The following SYNPR variants were observed in gnomAD, a reference collection of about 807,000 sequenced individuals.
The protein encoded by SYNPR is synaptoporin.
A neutral mutation model predicts 32.9 loss-of-function variants in SYNPR; 23 were observed. The ratio of observed to expected loss-of-function variants is 0.70; its 90% confidence interval spans 0.50 to 0.99. SYNPR has a LOEUF of 0.99. SYNPR is among the 50% of genes least tolerant of loss of function. The pLI is 0.00. For synonymous variants in SYNPR, 146 were observed against 135.9 expected, an observed-to-expected ratio of 1.07 and a Z score of -0.52; for missense variants, 318 against 349.3, an observed-to-expected ratio of 0.91 and a Z score of 0.71.
At chr3:63,373,194 A>G (rs1407057657) in intron 2 of SYNPR, among the ~76,000 whole-genome samples, 1 of 152,194 alleles carries the variant, frequency 6.6e-6, no homozygotes, top group Non-Finnish European at 1.5e-5. Flanking sequence ...AAAAGACCAC[A>G]CTAGTTCCCC....
intron 3 of SYNPR, among the ~76,000 whole-genome samples, chr3:63,544,121 T>C (rs1029982104): frequency 2.0e-5 from 3 of 152,052 alleles, no homozygotes; most frequent in Admixed American, 6.6e-5. Flanking sequence ...TTTTGAAAGA[T>C]ACCTGGTTGC....
chr3:63,568,589 G>T lies in SYNPR; in HGVS notation c.408+11848G>T, dbSNP rs150428497. ...CCCCTCTTGAATTTCTCTATGAAGT[G>T]AATTTCTTATTTCTATGGAGTTACT... On this transcript the variant is annotated intron_variant, in intron 4 of 5. Coordinates refer to ENST00000478300, the MANE Select transcript of SYNPR (RefSeq NM_001130003.2). Among the ~76,000 whole-genome samples the T allele has an allele frequency of 2.5e-3, 378 of 152,264 alleles. 2 individuals are homozygous for T. The highest frequency in any genetic ancestry group is 0.017 in the Middle Eastern group (5 of 294).
intron 2 of SYNPR, among the ~76,000 whole-genome samples, chr3:63,339,118 C>A (rs185315815): frequency 6.6e-6 from 1 of 152,132 alleles, no homozygotes; most frequent in Non-Finnish European, 1.5e-5. Context: ...CTTGGTAAAG[C>A]GCTGTTTAAT....
At chr3:63,374,760 A>T (rs2087866017) in intron 2 of SYNPR, among the ~76,000 whole-genome samples, 1 of 152,198 alleles carries the variant, frequency 6.6e-6, no homozygotes, top group Non-Finnish European at 1.5e-5. Context: ...TTACAGTTAC[A>T]TTCTACTCTA....
chr3:63,575,192 T>G (rs1315151614), intron 4 of SYNPR, among the ~76,000 whole-genome samples: 1 of 152,200 alleles, frequency 6.6e-6, no homozygotes, highest in Non-Finnish European at 1.5e-5. Context: ...AAGTTGACAT[T>G]GCGTGTTACA....
chr3:63,461,244 T>C (rs1039578662), intron 2 of SYNPR, among the ~76,000 whole-genome samples: 6 of 152,248 alleles, frequency 3.9e-5, no homozygotes, highest in African/African-American at 1.4e-4. Flanking sequence ...TAATGTTTCA[T>C]TGGACTTGTA....
intron 2 of SYNPR, chr3:63,443,029 G>C: frequency 1.0e-6 from 1 of 998,920 alleles, no homozygotes; most frequent in Non-Finnish European, 1.2e-6. Context: ...GGGGCTGGCA[G>C]AGTAAAGGGG....
At chr3:63,403,473 G>C (rs200979800) in intron 2 of SYNPR, among the ~76,000 whole-genome samples, 5 of 133,748 alleles carry the variant, frequency 3.7e-5, no homozygotes, top group Admixed American at 2.2e-4. Flanking sequence ...CACACACATA[G>C]AGAGAGAGGA....
intron 4 of SYNPR, among the ~76,000 whole-genome samples, chr3:63,585,455 C>CTG (rs150087899): frequency 7.2e-6 from 1 of 138,148 alleles, no homozygotes; most frequent in Non-Finnish European, 1.6e-5. Flanking sequence ...CCATGCCCCC[C>CTG]CCCTCCGCCC....
chr3:63,223,069 AC>A, the SYNPR span, among the ~76,000 whole-genome samples: 2 of 152,102 alleles, frequency 1.3e-5, no homozygotes, highest in Non-Finnish European at 2.9e-5. Flanking sequence ...CATGGGCTCC[AC>A]GCTACTCACA....
chr3:63,268,127 TGTAA>T (rs1466288864), intron 3 of SYNPR, among the ~76,000 whole-genome samples: 4 of 152,006 alleles, frequency 2.6e-5, no homozygotes, highest in African/African-American at 7.2e-5. Flanking sequence ...TGTGCCAAGG[TGTAA>T]GTGAGAGGGG....
chr3:63,399,912 T>C (rs768714180), intron 2 of SYNPR, among the ~76,000 whole-genome samples: 12 of 152,174 alleles, frequency 7.9e-5, no homozygotes, highest in Non-Finnish European at 1.8e-4. Context: ...GCTTCCCCAT[T>C]TTTTGCTCAT....
intron 2 of SYNPR, among the ~76,000 whole-genome samples, chr3:63,318,039 A>G (rs1268576393): frequency 6.6e-6 from 1 of 151,950 alleles, no homozygotes; most frequent in Non-Finnish European, 1.5e-5. Context: ...ATACAAAATT[A>G]TTGACTGAAA....
At chr3:63,280,726 G>C (rs926092810) in intron 2 of SYNPR, among the ~76,000 whole-genome samples, 3 of 57,226 alleles carry the variant, frequency 5.2e-5, no homozygotes, top group Non-Finnish European at 1.5e-4. Context: ...TGGGGGAGGG[G>C]TGTGTGTGTG....
chr3:63,489,417 C>T (rs1701215692), intron 3 of SYNPR, among the ~76,000 whole-genome samples: 1 of 152,090 alleles, frequency 6.6e-6, no homozygotes, highest in African/African-American at 2.4e-5. Context: ...CATTAGAAAG[C>T]CATCATTGTA....
chr3:63,457,517 T>A (rs1700504673), intron 2 of SYNPR, among the ~76,000 whole-genome samples: 1 of 152,100 alleles, frequency 6.6e-6, no homozygotes, highest in African/African-American at 2.4e-5. Context: ...TCTGCTGAAA[T>A]AAATTAGATC....
intron 2 of SYNPR, among the ~76,000 whole-genome samples, chr3:63,476,151 G>GGAAGGAAGGA (rs1559510421): frequency 3.4e-5 from 1 of 29,588 alleles, no homozygotes; most frequent in Non-Finnish European, 7.1e-5. Flanking sequence ...GGAAGGAAGG[G>GGAAGGAAGGA]AGGGAGGGAG....
chr3:63,219,527 C>T, the SYNPR span, among the ~76,000 whole-genome samples: 1 of 152,088 alleles, frequency 6.6e-6, no homozygotes, highest in East Asian at 1.9e-4. Context: ...CTCCCACACC[C>T]AAAAATCCAA....
intron 2 of SYNPR, among the ~76,000 whole-genome samples, chr3:63,262,548 T>C (rs1369774577): frequency 6.6e-6 from 1 of 152,194 alleles, no homozygotes; most frequent in African/African-American, 2.4e-5. Context: ...TAGATCCTAC[T>C]TTCCACAGGG....
Sources: gnomAD v4.1 joint callset for allele counts (sites outside exome capture counted in the v4.1 genomes callset) on GRCh38, gnomAD v4.1.1 for gene constraint, MANE v1.5 for transcripts, NCBI Gene and HGNC (gene_info 2026-07-23, HGNC 2026-07-21) for gene names.